The following PTPRT variants were observed in gnomAD, a reference collection of about 807,000 sequenced individuals.
The protein encoded by PTPRT is receptor-type tyrosine-protein phosphatase T.
A neutral mutation model predicts 176.8 loss-of-function variants in PTPRT; 56 were observed. The ratio of observed to expected loss-of-function variants is 0.32; its 90% CI spans 0.26 to 0.40. The LOEUF is 0.40. Among genes scored for constraint, PTPRT ranks in the 10% least tolerant of loss-of-function variants. The pLI, the probability that PTPRT is intolerant of heterozygous loss-of-function variation, is 1.00. For synonymous variants in PTPRT, 783 were observed against 739.0 expected (o/e 1.06, Z -0.96); for missense variants, 1,540 against 1,908.2 (o/e 0.81, Z 3.60).
chr20:42,827,719 T>C (rs111401767), intron 2 of PTPRT, among the ~76,000 whole-genome samples: 1 of 152,312 alleles, frequency 6.6e-6, no homozygotes, highest in African/African-American at 2.4e-5. Flanking sequence ...TATGCTGCCA[T>C]TCTCATAATA....
chr20:42,258,131 C>G (rs2056681060), intron 13 of PTPRT, among the ~76,000 whole-genome samples: 2 of 152,186 alleles, frequency 1.3e-5, no homozygotes, highest in Admixed American at 6.5e-5. Flanking sequence ...TAGAATCTTC[C>G]ATTGACCAGC....
chr20:42,407,376 G>A (rs1012211279), intron 9 of PTPRT, among the ~76,000 whole-genome samples: 3 of 152,236 alleles, frequency 2.0e-5, no homozygotes, highest in Non-Finnish European at 4.4e-5. Flanking sequence ...ACTTTTCACT[G>A]GAGTCAATTT....
At chr20:42,231,527 T>C (rs1331827145) in intron 15 of PTPRT, among the ~76,000 whole-genome samples, 1 of 152,178 alleles carries the variant, frequency 6.6e-6, no homozygotes, top group Non-Finnish European at 1.5e-5. Context: ...TGTAGTCTGG[T>C]ATAGGGTGCG....
At chr20:42,440,767 A>G (rs527439297) in intron 9 of PTPRT, among the ~76,000 whole-genome samples, 132 of 152,284 alleles carry the variant, frequency 8.7e-4, no homozygotes, top group Non-Finnish European at 1.0e-3. Context: ...GTGAGCCACC[A>G]TGCCCGGCCT....
chr20:42,809,380 C>G (rs1453237203), intron 2 of PTPRT, among the ~76,000 whole-genome samples: 2 of 152,160 alleles, frequency 1.3e-5, no homozygotes, highest in Non-Finnish European at 2.9e-5. Flanking sequence ...GATGGCTGCT[C>G]TTCACTCACT....
At chr20:43,107,524 G>A (rs376803344) in intron 1 of PTPRT, among the ~76,000 whole-genome samples, 15 of 152,254 alleles carry the variant, frequency 9.9e-5, no homozygotes, top group Admixed American at 2.0e-4. Flanking sequence ...TGGTGTAACC[G>A]AAAAATTAAA....
intron 7 of PTPRT, among the ~76,000 whole-genome samples, chr20:42,659,664 G>T (rs904677783): frequency 1.2e-4 from 18 of 152,102 alleles, no homozygotes; most frequent in African/African-American, 3.9e-4. Context: ...AACTATAAAA[G>T]GTAATTAAGG....
intron 7 of PTPRT, among the ~76,000 whole-genome samples, chr20:42,629,755 T>C (rs752195853): frequency 2.6e-5 from 4 of 152,030 alleles, no homozygotes; most frequent in African/African-American, 4.8e-5. Flanking sequence ...AGGGAGAAGA[T>C]CAAATCCAGA....
intron 1 of PTPRT, among the ~76,000 whole-genome samples, chr20:42,995,233 G>A (rs1239228049): frequency 6.6e-6 from 1 of 152,206 alleles, no homozygotes; most frequent in Non-Finnish European, 1.5e-5. Flanking sequence ...AAGTTCAGGA[G>A]CAGCTTATCT....
intron 9 of PTPRT, among the ~76,000 whole-genome samples, chr20:42,393,007 T>C (rs1249308397): frequency 6.6e-6 from 1 of 152,154 alleles, no homozygotes; most frequent in Non-Finnish European, 1.5e-5. Context: ...TGCCAAAATA[T>C]AATTGGAAAA....
chr20:42,167,800 T>G (rs2146529882), intron 16 of PTPRT, among the ~76,000 whole-genome samples: 1 of 152,324 alleles, frequency 6.6e-6, no homozygotes, highest in African/African-American at 2.4e-5. Context: ...AAATGTGATC[T>G]TCACAGATTT....
At chr20:42,787,896 C>G (rs901271040) in intron 3 of PTPRT, among the ~76,000 whole-genome samples, 1 of 152,036 alleles carries the variant, frequency 6.6e-6, no homozygotes, top group African/African-American at 2.4e-5. Flanking sequence ...TCAGAGCCTA[C>G]CAGGGTTGTT....
At chr20:42,286,429 C>G (rs1486848699) in intron 12 of PTPRT, among the ~76,000 whole-genome samples, 1 of 151,768 alleles carries the variant, frequency 6.6e-6, no homozygotes, top group African/African-American at 2.4e-5. Flanking sequence ...AATTAATGCA[C>G]ATATCTACAG....
chr20:42,580,802 G>C (rs1238162947), intron 7 of PTPRT, among the ~76,000 whole-genome samples: 2 of 152,118 alleles, frequency 1.3e-5, no homozygotes, highest in East Asian at 3.9e-4. Context: ...AGGAGATTTT[G>C]GGCTGAGACG....
chr20:42,380,077 A>G (rs2058685067), intron 9 of PTPRT, among the ~76,000 whole-genome samples: 1 of 152,194 alleles, frequency 6.6e-6, no homozygotes, highest in South Asian at 2.1e-4. Context: ...TAAACGTGTG[A>G]GGCTGGTAGT....
At chr20:42,426,647 C>A (rs370641272) in intron 9 of PTPRT, among the ~76,000 whole-genome samples, 1 of 152,216 alleles carries the variant, frequency 6.6e-6, no homozygotes, top group African/African-American at 2.4e-5. Flanking sequence ...GAGTTGCAGA[C>A]ACCCACCCCT....
chr20:42,804,013 A>G (rs1046738279), intron 2 of PTPRT, among the ~76,000 whole-genome samples: 17 of 152,272 alleles, frequency 1.1e-4, no homozygotes, highest in African/African-American at 3.4e-4. Context: ...GCCAGGAGGT[A>G]GGAAATGGAC....
chr20:42,495,937 A>G (rs2071645624), intron 7 of PTPRT, among the ~76,000 whole-genome samples: 1 of 152,152 alleles, frequency 6.6e-6, no homozygotes, highest in Non-Finnish European at 1.5e-5. Flanking sequence ...TCTGACCTCC[A>G]AAAACTTTCC....
chr20:43,069,108 C>T (rs1313462488), intron 1 of PTPRT, among the ~76,000 whole-genome samples: 1 of 152,166 alleles, frequency 6.6e-6, no homozygotes, highest in African/African-American at 2.4e-5. Context: ...CCCTCAGCCC[C>T]AAGCTTGGAA....
Sources: gnomAD v4.1 joint callset for allele counts (sites outside exome capture counted in the v4.1 genomes callset) on GRCh38, gnomAD v4.1.1 for gene constraint, MANE v1.5 for transcripts, NCBI Gene and HGNC (gene_info 2026-07-23, HGNC 2026-07-21) for gene names.